Variants in LDLRAD4 observed in about 807,000 individuals in gnomAD.
LDLRAD4 encodes low-density lipoprotein receptor class A domain-containing protein 4.
Under a neutral mutation model 17.0 loss-of-function variants are expected in LDLRAD4, and 5 were observed. That is an observed-to-expected ratio of 0.29 (90% CI 0.15 to 0.62). The LOEUF is 0.62. Ranked by LOEUF, LDLRAD4 falls within the 20% of genes least tolerant of loss-of-function variation. LDLRAD4 has a pLI of 0.84. For synonymous variants in LDLRAD4, 168 were observed against 171.8 expected (o/e 0.98, Z 0.17); for missense variants, 340 against 424.7 (o/e 0.80, Z 1.75).
At chr18:13,557,735 TAAG>T (rs1352303741) in intron 3 of LDLRAD4, among the ~76,000 whole-genome samples, 1 of 152,214 alleles carries the variant, frequency 6.6e-6, no homozygotes, top group Non-Finnish European at 1.5e-5. Flanking sequence ...GAGAAATTGT[TAAG>T]AAGTGAGCTA....
chr18:13,377,763 G>C (rs564352687), intron 1 of LDLRAD4, among the ~76,000 whole-genome samples: 12 of 152,134 alleles, frequency 7.9e-5, no homozygotes, highest in African/African-American at 2.9e-4. Flanking sequence ...AGCGTGACCC[G>C]CCATTGAGCC....
At chr18:13,228,379 G>T (rs1290102475) in intron 1 of LDLRAD4, among the ~76,000 whole-genome samples, 1 of 152,274 alleles carries the variant, frequency 6.6e-6, no homozygotes, top group East Asian at 1.9e-4. Context: ...TTGACCCAGA[G>T]GGCTTTGGGT....
At chr18:13,224,474 C>CTTTTTTTTTTTTTTTTTT (rs10676168) in intron 1 of LDLRAD4, among the ~76,000 whole-genome samples, 3 of 87,880 alleles carry the variant, frequency 3.4e-5, no homozygotes, top group Non-Finnish European at 6.0e-5. Context: ...TTCTTTCTTT[C>CTTTTTTTTTTTTTTTTTT]TTTTTTTTTT....
At position 13,621,313 on chromosome 18, in the gene LDLRAD4, C is replaced by G; in HGVS notation, c.336+42C>G. ...CCCCGGCTCCAGAGTCAGGCAGCTG[C>G]AAGAGGCTTAGGAGCCCATCAGGGT... On this transcript the variant is annotated intron_variant, in intron 4 of 5. Coordinates refer to ENST00000359446, the Ensembl canonical transcript of LDLRAD4. The surrounding 1 kb of genome is among the most constrained non-coding windows in gnomAD (Gnocchi z 5.5). 6.6e-7 allele frequency: 1 copy of G among 1,525,930 alleles called. No homozygotes were observed. The highest frequency in any genetic ancestry group is 1.4e-5 in the African/African-American group (1 of 73,474). 94.5% of individuals were successfully genotyped at this position (1,525,930 alleles called of 1,614,324 possible).
chr18:13,278,584 T>C (rs1349488554), intron 1 of LDLRAD4, among the ~76,000 whole-genome samples: 2 of 152,246 alleles, frequency 1.3e-5, no homozygotes, highest in African/African-American at 2.4e-5. Context: ...CAGGCTTCAC[T>C]TGATGTCAAA....
At chr18:13,283,388 C>G (rs908871828) in intron 1 of LDLRAD4, among the ~76,000 whole-genome samples, 2 of 152,206 alleles carry the variant, frequency 1.3e-5, no homozygotes, top group African/African-American at 4.8e-5. Context: ...CCTTTGGATG[C>G]TTTGCTGCTT....
intron 3 of LDLRAD4, chr18:13,543,120 G>A (rs1189058057): frequency 6.6e-6 from 1 of 152,164 alleles, no homozygotes. Context: ...CTTTAACATG[G>A]TTCTTCTGAT....
At chr18:13,297,641 T>C (rs961150193) in intron 1 of LDLRAD4, among the ~76,000 whole-genome samples, 6 of 152,094 alleles carry the variant, frequency 3.9e-5, no homozygotes, top group African/African-American at 1.4e-4. Context: ...CAAAAAAGTT[T>C]TTAAAGAAAT....
intron 3 of LDLRAD4, among the ~76,000 whole-genome samples, chr18:13,474,645 G>A (rs916371424): frequency 2.0e-5 from 3 of 152,248 alleles, no homozygotes; most frequent in Admixed American, 6.5e-5. Flanking sequence ...GCCAGTGCCT[G>A]GCCAGAGGGA....
At chr18:13,596,732 T>C (rs1049602050) in intron 3 of LDLRAD4, among the ~76,000 whole-genome samples, 1 of 152,210 alleles carries the variant, frequency 6.6e-6, no homozygotes, top group Non-Finnish European at 1.5e-5. Context: ...TGTCTTGTAT[T>C]AGCCTTCTAA....
chr18:13,377,665 A>G (rs540157660), intron 1 of LDLRAD4, among the ~76,000 whole-genome samples: 2 of 152,182 alleles, frequency 1.3e-5, no homozygotes, highest in Non-Finnish European at 1.5e-5. Flanking sequence ...GACTTCCCCT[A>G]CCTTTTGTCA....
At chr18:13,308,621 C>T (rs1461142252) in intron 1 of LDLRAD4, among the ~76,000 whole-genome samples, 2 of 152,226 alleles carry the variant, frequency 1.3e-5, no homozygotes, top group Admixed American at 1.3e-4. Context: ...GAAATGGTAT[C>T]TAAACATAGT....
chr18:13,570,553 T>A (rs2094675282), intron 3 of LDLRAD4, among the ~76,000 whole-genome samples: 2 of 152,178 alleles, frequency 1.3e-5, no homozygotes, highest in South Asian at 4.1e-4. Flanking sequence ...ATGAGATACC[T>A]AATCAATGGG....
chr18:13,593,566 TGTCCGTCC>T (rs142793521), intron 3 of LDLRAD4, among the ~76,000 whole-genome samples: 6,198 of 151,768 alleles, frequency 0.041, 269 homozygotes, highest in African/African-American at 0.11. Context: ...TCTATCTGTC[TGTCCGTCC>T]GTCCGTCCGT....
At chr18:13,476,562 G>A (rs560693532) in intron 3 of LDLRAD4, among the ~76,000 whole-genome samples, 46 of 151,556 alleles carry the variant, frequency 3.0e-4, no homozygotes, top group Admixed American at 1.6e-3. Context: ...AGATCTAGGC[G>A]GCAGTGAGCT....
rs1276313779 is a variant in LDLRAD4, at chr18:13,454,025, C to T, written c.181+15641C>T. On this transcript the variant is annotated intron_variant, in intron 3 of 5. Coordinates refer to ENST00000359446, the Ensembl canonical transcript of LDLRAD4. Reference sequence around the variant, plus strand: ...GCGGGGACAGAGCCGGAGGCTGCGCCGTGCACACCCAGCTTCTCATGGTGG... The same window carrying T: ...GCGGGGACAGAGCCGGAGGCTGCGCTGTGCACACCCAGCTTCTCATGGTGG... Among the ~76,000 whole-genome samples the T allele has an allele frequency of 3.3e-5, 5 of 152,396 alleles. 1 individual carries two copies. The Middle Eastern group carries it at 0.01, about 311-fold the overall frequency.
At chr18:13,340,868 G>A (rs190184468) in intron 1 of LDLRAD4, among the ~76,000 whole-genome samples, 6 of 152,008 alleles carry the variant, frequency 3.9e-5, no homozygotes, top group Admixed American at 6.5e-5. Flanking sequence ...TTTAGCTTTC[G>A]TTTCTAGGTT....
chr18:13,380,540 C>T (rs2085277599), intron 1 of LDLRAD4, among the ~76,000 whole-genome samples: 1 of 152,214 alleles, frequency 6.6e-6, no homozygotes, highest in African/African-American at 2.4e-5. Flanking sequence ...GCGGCTTCCT[C>T]TGCTGCTAGA....
At chr18:13,626,581 G>C (rs1308478346) in intron 4 of LDLRAD4, among the ~76,000 whole-genome samples, 1 of 152,214 alleles carries the variant, frequency 6.6e-6, no homozygotes, top group East Asian at 1.9e-4. Context: ...TTGACCTATA[G>C]AAACAGCAAT....
Sources: allele counts gnomAD v4.1 joint callset (sites outside exome capture counted in the v4.1 genomes callset), GRCh38; gene constraint gnomAD v4.1.1; non-coding constraint Gnocchi (gnomAD v3.1); transcripts MANE v1.5; gene names NCBI Gene and HGNC (gene_info 2026-07-23, HGNC 2026-07-21).